THSD7A: variants seen among roughly 807,000 people sequenced by gnomAD.
The protein encoded by THSD7A is thrombospondin type 1 domain containing 7A.
In THSD7A, 96 loss-of-function variants were observed where a neutral mutation model predicts 231.3. The observed-to-expected ratio is 0.41, with a 90% CI of 0.35 to 0.49. The LOEUF is 0.49. THSD7A is among the 20% of genes least tolerant of loss of function. The probability of loss-of-function intolerance (pLI) is 0.05; values close to 1 mark genes in which losing one functional copy is unlikely to be tolerated. For synonymous variants in THSD7A, 940 were observed against 743.3 expected (o/e 1.26, Z -4.30); for missense variants, 2,290 against 2,070.2 (o/e 1.11, Z -2.06).
intron 1 of THSD7A, among the ~76,000 whole-genome samples, chr7:11,707,083 C>T (rs1352259923): frequency 2.7e-5 from 4 of 150,760 alleles, no homozygotes; most frequent in Non-Finnish European, 4.5e-5. Context: ...AATGATTTCA[C>T]CATTAAACTA....
chr7:11,672,908 G>C (rs1006776899), intron 1 of THSD7A, among the ~76,000 whole-genome samples: 1 of 152,042 alleles, frequency 6.6e-6, no homozygotes, highest in African/African-American at 2.4e-5. Context: ...ATTTTAATTA[G>C]TTTCAGCTGA....
intron 4 of THSD7A, among the ~76,000 whole-genome samples, chr7:11,544,585 A>C (rs1789296016): frequency 6.6e-6 from 1 of 152,212 alleles, no homozygotes; most frequent in Admixed American, 6.5e-5. Flanking sequence ...TTTTAAATGA[A>C]AGTACTATGT....
At chr7:11,419,892 T>C (rs1054573324) in intron 16 of THSD7A, among the ~76,000 whole-genome samples, 1 of 152,226 alleles carries the variant, frequency 6.6e-6, no homozygotes. Context: ...ATTGTGCCCC[T>C]GCTCTAGAGA....
At chr7:11,588,090 G>C (rs1200913691) in intron 4 of THSD7A, among the ~76,000 whole-genome samples, 2 of 152,084 alleles carry the variant, frequency 1.3e-5, no homozygotes, top group Admixed American at 1.3e-4. Flanking sequence ...TTATTAGCTG[G>C]GGGAGTTGTT....
intron 4 of THSD7A, among the ~76,000 whole-genome samples, chr7:11,549,663 AAACT>A (rs920617375): frequency 2.5e-4 from 38 of 152,300 alleles, no homozygotes; most frequent in African/African-American, 9.1e-4. Flanking sequence ...TATTCTCAGC[AAACT>A]AACACAGGAA....
chr7:11,534,578 C>T (rs1169283959), intron 6 of THSD7A, among the ~76,000 whole-genome samples: 1 of 152,140 alleles, frequency 6.6e-6, no homozygotes, highest in Non-Finnish European at 1.5e-5. Context: ...CCTTAGCAAG[C>T]ACTTCTGCAT....
intron 1 of THSD7A, among the ~76,000 whole-genome samples, chr7:11,647,865 T>G (rs1295211768): frequency 1.3e-5 from 2 of 152,088 alleles, no homozygotes; most frequent in Non-Finnish European, 2.9e-5. Context: ...TACTAACTAC[T>G]GCGTCCATAC....
intron 1 of THSD7A, among the ~76,000 whole-genome samples, chr7:11,720,938 C>G (rs774382448): frequency 6.6e-6 from 1 of 151,720 alleles, no homozygotes; most frequent in Non-Finnish European, 1.5e-5. Context: ...CTTTAGGGCT[C>G]TGTTTAGTCC....
intron 24 of THSD7A, among the ~76,000 whole-genome samples, chr7:11,379,924 G>A (rs566104479): frequency 6.6e-6 from 1 of 152,240 alleles, no homozygotes; most frequent in South Asian, 2.1e-4. Context: ...CTCAGTGCCT[G>A]GTACTCAGCA....
At chr7:11,556,919 AAT>A (rs2128328035) in intron 4 of THSD7A, among the ~76,000 whole-genome samples, 1 of 152,126 alleles carries the variant, frequency 6.6e-6, no homozygotes, top group Non-Finnish European at 1.5e-5. Context: ...TTTTTATTAT[AAT>A]ATGTCTTGGC....
rs958936504 is a variant in THSD7A at position 11,777,787 on chromosome 7, G to C, written c.190+53970C>G. On this transcript the variant is annotated intron_variant, in intron 1 of 27. Transcript: ENST00000423059. The stretch of plus-strand genomic sequence containing the variant: ...GCTTTGGCTCACTTTTGAACCTGAT[G>C]ATTGTTTAAATTATAACCCTGAATG... Among the ~76,000 whole-genome samples the C allele has an allele frequency of 7.9e-5, 12 of 152,234 alleles. No individual in the cohort carries two copies. In the South Asian group the frequency reaches 2.3e-3, roughly 29 times the overall value.
chr7:11,693,318 C>A (rs1460802631), intron 1 of THSD7A, among the ~76,000 whole-genome samples: 2 of 151,408 alleles, frequency 1.3e-5, no homozygotes, highest in East Asian at 2.0e-4. Context: ...ATCTAAGGTA[C>A]TCTAAAACCA....
At chr7:11,512,835 A>G (rs1787870549) in intron 6 of THSD7A, among the ~76,000 whole-genome samples, 1 of 150,414 alleles carries the variant, frequency 6.6e-6, no homozygotes. Context: ...GTAAATGACG[A>G]GTTAAGGGGT....
intron 1 of THSD7A, among the ~76,000 whole-genome samples, chr7:11,663,477 A>G (rs975568363): frequency 5.3e-5 from 8 of 151,612 alleles, no homozygotes; most frequent in African/African-American, 1.9e-4. Context: ...GAAGCCCATC[A>G]TGATAATTTA....
chr7:11,524,915 T>A (rs564551838), intron 6 of THSD7A, among the ~76,000 whole-genome samples: 1 of 152,232 alleles, frequency 6.6e-6, no homozygotes, highest in Non-Finnish European at 1.5e-5. Flanking sequence ...AATTTGGCTA[T>A]ATAATTATGG....
intron 2 of THSD7A, among the ~76,000 whole-genome samples, chr7:11,602,336 T>A (rs1358518003): frequency 6.6e-6 from 1 of 152,094 alleles, no homozygotes; most frequent in Non-Finnish European, 1.5e-5. Context: ...TTTATCTTTT[T>A]ATAATTTTTC....
intron 1 of THSD7A, among the ~76,000 whole-genome samples, chr7:11,689,687 A>G (rs1780172489): frequency 6.6e-6 from 1 of 151,610 alleles, no homozygotes; most frequent in South Asian, 2.1e-4. Flanking sequence ...AAGAAAGTTA[A>G]CCTATGATTT....
chr7:11,519,454 A>G (rs562783803), intron 6 of THSD7A, among the ~76,000 whole-genome samples: 8 of 152,324 alleles, frequency 5.3e-5, no homozygotes, highest in Non-Finnish European at 1.2e-4. Flanking sequence ...TTCCTAAGCC[A>G]TTGGTCAGAA....
intron 9 of THSD7A, among the ~76,000 whole-genome samples, chr7:11,462,863 A>T (rs1785556665): frequency 6.6e-6 from 1 of 152,182 alleles, no homozygotes. Context: ...CATCAACTTG[A>T]CAGTATGACT....
Sources: gnomAD v4.1 joint callset for allele counts (sites outside exome capture counted in the v4.1 genomes callset) on GRCh38, gnomAD v4.1.1 for gene constraint, MANE v1.5 for transcripts, NCBI Gene and HGNC (gene_info 2026-07-23, HGNC 2026-07-21) for gene names.